The following EML4 variants were observed in gnomAD, a reference collection of about 807,000 sequenced individuals.
EML4 encodes the protein EMAP like 4.
Under a neutral mutation model 129.0 loss-of-function variants are expected in EML4, and 72 were observed. The ratio of observed to expected loss-of-function variants is 0.56; its 90% CI spans 0.46 to 0.68. EML4 has a LOEUF of 0.68. EML4 is among the 30% of genes least tolerant of loss of function. The probability of loss-of-function intolerance (pLI) is 0.00; values close to 1 mark genes in which losing one functional copy is unlikely to be tolerated. For synonymous variants in EML4, 532 were observed against 405.0 expected, an observed-to-expected ratio of 1.31 and a Z score of -3.77; for missense variants, 1,363 against 1,190.6, an observed-to-expected ratio of 1.14 and a Z score of -2.13.
chr2:42,186,248 A>G (rs1039673582), intron 1 of EML4, among the ~76,000 whole-genome samples: 2 of 152,130 alleles, frequency 1.3e-5, no homozygotes, highest in African/African-American at 2.4e-5. Context: ...CTACGTTACT[A>G]TGCACTTTTA....
In EML4 at chr2:42,325,568, ATT is replaced by A; in HGVS notation, c.2242+17_2242+18del. On this transcript the variant is annotated intron_variant, in intron 20 of 22. Coordinates refer to ENST00000318522, the MANE Select transcript of EML4 (RefSeq NM_019063.5). ...AAATATTGTACTGTAAGTATGAATG[ATT>A]TTATATATATATATATATGCTATGA... 6 of 573,998 alleles carry A rather than the reference ATT, an allele frequency of 1.0e-5. No individual in the cohort carries two copies. The highest frequency in any genetic ancestry group is 1.7e-5 in the Non-Finnish European group (6 of 348,522). The allele number at this position is 573,998 out of a possible 1,614,324, so 35.6% of individuals were successfully genotyped here.
intron 4 of EML4, chr2:42,261,500 A>T: frequency 2.9e-5 from 5 of 169,660 alleles, no homozygotes; most frequent in Non-Finnish European, 3.8e-5. Context: ...AAAACTGGAA[A>T]AAAAAAAAAA....
At chr2:42,201,088 C>G (rs749444179) in intron 1 of EML4, among the ~76,000 whole-genome samples, 1 of 152,164 alleles carries the variant, frequency 6.6e-6, no homozygotes. Flanking sequence ...TTCCATCAAT[C>G]AAGTCGAATT....
At position 42,328,929 on chromosome 2, in the gene EML4, G is replaced by C; in HGVS notation, c.2385G>C (p.Leu795=). Residue 795 remains leucine, a synonymous_variant, in exon 22 of 23, where the codon CTG becomes CTC. Coordinates refer to ENST00000318522, the MANE Select transcript of EML4 (RefSeq NM_019063.5). ...EGSDGTDINA[L]VRSHNRKVIA... The stretch of plus-strand genomic sequence containing the variant: ...CTGATGGGACAGATATCAATGCACT[G>C]GTGCGATCCCACAATAGAAAGGTGA... 1 of 1,613,508 alleles carries C rather than the reference G, an allele frequency of 6.2e-7. No individual in the cohort carries two copies. Among genetic ancestry groups the C allele is most frequent in the Middle Eastern group, 1.7e-4 (1 of 5,854 alleles).
chr2:42,326,745 G>C (rs943414872), intron 21 of EML4, among the ~76,000 whole-genome samples: 1 of 152,104 alleles, frequency 6.6e-6, no homozygotes, highest in Non-Finnish European at 1.5e-5. Context: ...AGCTGGGCGT[G>C]GTGACGTGCA....
chr2:42,264,973 G>A (rs919119759), intron 6 of EML4: 1 of 1,546,336 alleles, frequency 6.5e-7, no homozygotes. Flanking sequence ...CTACGCAGTT[G>A]GTTGCCTTCT....
chr2:42,321,463 G>A (rs760772991), intron 19 of EML4, among the ~76,000 whole-genome samples: 12 of 151,982 alleles, frequency 7.9e-5, no homozygotes, highest in Non-Finnish European at 1.0e-4. Context: ...TCAAGAACTC[G>A]GATCCTTTCT....
intron 1 of EML4, among the ~76,000 whole-genome samples, chr2:42,221,729 C>T (rs749919088): frequency 5.9e-5 from 9 of 151,758 alleles, no homozygotes; most frequent in South Asian, 4.1e-4. Context: ...TCAGCCTCCT[C>T]GGTAGCTGGG....
chr2:42,291,107 T>A (rs1667616006), intron 11 of EML4, among the ~76,000 whole-genome samples: 1 of 152,246 alleles, frequency 6.6e-6, no homozygotes, highest in East Asian at 1.9e-4. Context: ...GTTGCTTGAC[T>A]TATGCCAAAG....
At chr2:42,302,078 GTA>G (rs1437435775) in intron 14 of EML4, among the ~76,000 whole-genome samples, 3 of 152,122 alleles carry the variant, frequency 2.0e-5, no homozygotes, top group African/African-American at 7.2e-5. Flanking sequence ...ATTATTAAAT[GTA>G]TTAACACAGC....
At chr2:42,235,053 T>C (rs1387939348) in intron 1 of EML4, among the ~76,000 whole-genome samples, 2 of 152,002 alleles carry the variant, frequency 1.3e-5, no homozygotes, top group Non-Finnish European at 2.9e-5. Context: ...CCCAGCACTT[T>C]GGGAGGCTGA....
At chr2:42,244,563 A>G (rs1261611868) in intron 1 of EML4, among the ~76,000 whole-genome samples, 1 of 152,210 alleles carries the variant, frequency 6.6e-6, no homozygotes, top group Admixed American at 6.5e-5. Flanking sequence ...GCAAATATTA[A>G]GTATTTACTT....
At chr2:42,181,026 T>G (rs1446320214) in intron 1 of EML4, among the ~76,000 whole-genome samples, 3 of 152,240 alleles carry the variant, frequency 2.0e-5, no homozygotes, top group Non-Finnish European at 1.5e-5. Flanking sequence ...AAGCTGTGTT[T>G]GTCTCATTGC....
At chr2:42,273,771 G>T (rs1011337028) in intron 6 of EML4, among the ~76,000 whole-genome samples, 2 of 152,042 alleles carry the variant, frequency 1.3e-5, no homozygotes, top group Admixed American at 1.3e-4. Context: ...TGTGAAATAA[G>T]AAAGTTAGAT....
intron 1 of EML4, among the ~76,000 whole-genome samples, chr2:42,208,445 T>TTTTC (rs1304151720): frequency 7.1e-6 from 1 of 141,396 alleles, no homozygotes; most frequent in African/African-American, 2.6e-5. Context: ...TTTTCTTTTC[T>TTTTC]TTTTTTTTTT....
chr2:42,310,553 T>A (rs1668882195), intron 17 of EML4, among the ~76,000 whole-genome samples: 2 of 152,102 alleles, frequency 1.3e-5, no homozygotes, highest in South Asian at 4.2e-4. Context: ...ACCATGTTGG[T>A]CAAGCTGGTC....
At chr2:42,299,456 G>A (rs1408392392) in intron 13 of EML4, among the ~76,000 whole-genome samples, 1 of 152,118 alleles carries the variant, frequency 6.6e-6, no homozygotes, top group African/African-American at 2.4e-5. Flanking sequence ...TATTTACAAG[G>A]TTGTGCAGCC....
intron 1 of EML4, among the ~76,000 whole-genome samples, chr2:42,231,765 T>C (rs1674360673): frequency 6.6e-6 from 1 of 152,158 alleles, no homozygotes; most frequent in Admixed American, 6.5e-5. Context: ...CTGGCTAATA[T>C]GGTGAAACCC....
chr2:42,201,814 G>C (rs1040254000), intron 1 of EML4, among the ~76,000 whole-genome samples: 1 of 151,774 alleles, frequency 6.6e-6, no homozygotes, highest in African/African-American at 2.4e-5. Flanking sequence ...GGGCATGGTG[G>C]CTCAGGCCTG....
Sources: gnomAD v4.1 joint callset for allele counts (sites outside exome capture counted in the v4.1 genomes callset) on GRCh38, gnomAD v4.1.1 for gene constraint, MANE v1.5 for transcripts, NCBI Gene and HGNC (gene_info 2026-07-23, HGNC 2026-07-21) for gene names.